The following SHPRH variants were observed in gnomAD, a reference collection of about 807,000 sequenced individuals.
SHPRH encodes the protein SNF2 histone linker PHD RING helicase, also known as E3 ubiquitin-protein ligase SHPRH.
In SHPRH, 106 loss-of-function variants were observed where a neutral mutation model predicts 202.5. The observed-to-expected ratio is 0.52, with a 90% CI of 0.45 to 0.62. SHPRH has a LOEUF of 0.62. SHPRH is among the 20% of genes least tolerant of loss of function. The probability of loss-of-function intolerance (pLI) is 0.00; values close to 1 mark genes in which losing one functional copy is unlikely to be tolerated. For missense variants in SHPRH, 1,710 were observed against 2,020.0 expected (o/e 0.85, Z 2.94); for synonymous variants, 729 against 686.0 (o/e 1.06, Z -0.98).
intron 2 of SHPRH, among the ~76,000 whole-genome samples, chr6:145,870,399 C>G (rs1487297443): frequency 6.6e-6 from 1 of 151,572 alleles, no homozygotes; most frequent in Non-Finnish European, 1.5e-5. Flanking sequence ...GTAGCTGGGA[C>G]TACAGGCACC....
chr6:145,871,012 T>C (rs1780032786), intron 2 of SHPRH: 1 of 152,224 alleles, frequency 6.6e-6, no homozygotes, highest in South Asian at 2.1e-4. Flanking sequence ...CATTCCTTCA[T>C]GTTAAAAACT....
At chr6:145,939,739 T>C (rs1037188835) in intron 11 of SHPRH, among the ~76,000 whole-genome samples, 1 of 152,152 alleles carries the variant, frequency 6.6e-6, no homozygotes, top group Admixed American at 6.6e-5. Context: ...AAATGTAACA[T>C]TTAAGTGATG....
chr6:145,891,790 T>C (rs1189820306), intron 28 of SHPRH, among the ~76,000 whole-genome samples: 2 of 152,154 alleles, frequency 1.3e-5, no homozygotes, highest in Non-Finnish European at 2.9e-5. Flanking sequence ...TTGCGAGGCA[T>C]AGTAAGATTG....
chr6:145,940,458 C>G (rs1327181136), intron 11 of SHPRH, among the ~76,000 whole-genome samples: 1 of 136,722 alleles, frequency 7.3e-6, no homozygotes, highest in African/African-American at 2.7e-5. Flanking sequence ...AGACCTATAT[C>G]TATGCTGTTT....
rs1273026164 is a variant in SHPRH, at chr6:145,885,090, C to T, written c.*1601G>A. 6.6e-6 allele frequency: 1 copy of T among 152,040 alleles called. No individual in the cohort carries two copies. Among genetic ancestry groups the T allele is most frequent in the Non-Finnish European group, 1.5e-5 (1 of 68,010 alleles). The allele number at this position is 152,040 out of a possible 1,614,324, so 9.4% of individuals were successfully genotyped here. A position where few individuals can be genotyped will look rare whatever the true frequency, so the allele number is the denominator to read the frequency against. Reference sequence around the variant, plus strand: ...GAATGTAAGATATGGAGTCAGGGGACCTGGGCTCCACTGTTTACTTGCTAC... The same window carrying T: ...GAATGTAAGATATGGAGTCAGGGGATCTGGGCTCCACTGTTTACTTGCTAC... On this transcript the variant is annotated 3_prime_UTR_variant, in exon 30 of 30. Coordinates refer to ENST00000275233, the MANE Select transcript of SHPRH (RefSeq NM_001042683.3).
chr6:145,871,974 T>A (rs1405329468), intron 2 of SHPRH, among the ~76,000 whole-genome samples: 3 of 152,202 alleles, frequency 2.0e-5, no homozygotes, highest in Non-Finnish European at 4.4e-5. Flanking sequence ...TAAATGGTGC[T>A]GGGAGAACTA....
intron 7 of SHPRH, 118 bp downstream of exon 7, chr6:145,946,115 G>C: frequency 1.6e-6 from 1 of 644,410 alleles, no homozygotes; most frequent in Non-Finnish European, 2.4e-6. Context: ...TTTATCAAAA[G>C]CATATATAAC....
At chr6:145,958,116 A>G (rs1315047613) in intron 1 of SHPRH, among the ~76,000 whole-genome samples, 1 of 152,188 alleles carries the variant, frequency 6.6e-6, no homozygotes, top group Non-Finnish European at 1.5e-5. Flanking sequence ...AATGGCAAAA[A>G]CCTGATTGCA....
rs748444778 is a variant in SHPRH, at chr6:145,948,337, G to C, written c.996C>G (p.His332Gln). The C allele has an allele frequency of 6.2e-7, 1 of 1,602,254 alleles. No individual in the cohort carries two copies. Among genetic ancestry groups the C allele is most frequent in the Non-Finnish European group, 8.5e-7 (1 of 1,174,032 alleles). ...RSSPATESAL[H>Q]FLWREIVTSE... is the part of the protein sequence containing the mutation. Reference sequence around the variant, plus strand: ...ATGTAACAATCTCTCGCCATAAGAAGTGCAGGGCACTTTCTAAAGAAAAAT... The same window carrying C: ...ATGTAACAATCTCTCGCCATAAGAACTGCAGGGCACTTTCTAAAGAAAAAT... The change falls in exon 5 of 30, where the codon CAC (histidine) becomes CAG (glutamine). Residue 332 changes from histidine (H) to glutamine (Q), a missense_variant. By Grantham distance (24) the His-to-Gln change is conservative (BLOSUM62 0). Transcript: ENST00000275233.
At chr6:145,931,308 CCT>C (rs1209495353) in intron 14 of SHPRH, among the ~76,000 whole-genome samples, 3 of 151,468 alleles carry the variant, frequency 2.0e-5, no homozygotes, top group Non-Finnish European at 4.4e-5. Context: ...TTTTTTGCAC[CCT>C]TTTTTCTTTT....
At chr6:145,918,064 A>C in intron 23 of SHPRH, 67 bp downstream of exon 23, 1 of 1,178,420 alleles carries the variant, frequency 8.5e-7, no homozygotes, top group Non-Finnish European at 1.2e-6. Context: ...TTAATTATGA[A>C]AGGAGTCACT....
chr6:145,926,931 T>C (rs932513690), intron 15 of SHPRH, among the ~76,000 whole-genome samples: 4 of 151,966 alleles, frequency 2.6e-5, no homozygotes, highest in African/African-American at 9.7e-5. Flanking sequence ...ACAAGTACTT[T>C]GAGCTATTTT....
At chr6:145,858,620 T>C in the SHPRH span, among the ~76,000 whole-genome samples, 1 of 151,988 alleles carries the variant, frequency 6.6e-6, no homozygotes, top group Non-Finnish European at 1.5e-5. Context: ...TTTGGGGTAA[T>C]GAATATGTTC....
At chr6:145,909,371 G>T (rs1375007543) in intron 25 of SHPRH, 1 of 152,060 alleles carries the variant, frequency 6.6e-6, no homozygotes, top group Non-Finnish European at 1.5e-5. Context: ...CAATATATAT[G>T]TGTGGAATGA....
chr6:145,915,381 T>C (rs1246028460), intron 23 of SHPRH, among the ~76,000 whole-genome samples: 1 of 151,872 alleles, frequency 6.6e-6, no homozygotes, highest in Non-Finnish European at 1.5e-5. Flanking sequence ...GCTTTTGTTC[T>C]TCATTCCTTA....
chr6:145,954,563 A>C, intron 2 of SHPRH, 127 bp downstream of exon 2: 1 of 968,356 alleles, frequency 1.0e-6, no homozygotes, highest in Non-Finnish European at 1.5e-6. Flanking sequence ...AAAAGCTTAA[A>C]GTGTACTTTG....
chr6:145,932,608 T>C (rs150406069), intron 14 of SHPRH, among the ~76,000 whole-genome samples: 244 of 152,298 alleles, frequency 1.6e-3, no homozygotes, highest in Non-Finnish European at 2.6e-3. Flanking sequence ...CATCGTTACC[T>C]AGATCAGATG....
downstream of SHPRH, among the ~76,000 whole-genome samples, chr6:145,859,571 T>C (rs537820696): frequency 6.6e-6 from 1 of 152,126 alleles, no homozygotes; most frequent in African/African-American, 2.4e-5. Flanking sequence ...TGAAATAAAT[T>C]TGTAATGCCA....
Position 145,888,014 on chromosome 6 carries a change from A to G in SHPRH, c.4955+6T>C. 6.2e-7 allele frequency: 1 copy of G among 1,604,470 alleles called. No homozygotes were observed. On this transcript the variant is annotated splice_donor_region_variant and intron_variant, in intron 29 of 29. Transcript: ENST00000275233. ...CCCCTTCTACTTGTGGTAAATTATTACCTACCTTCTCTCAGCAGTTTTCAG... is the reference window on the plus strand; with the variant it reads ...CCCCTTCTACTTGTGGTAAATTATTGCCTACCTTCTCTCAGCAGTTTTCAG...
Sources: allele counts gnomAD v4.1 joint callset (sites outside exome capture counted in the v4.1 genomes callset), GRCh38; gene constraint gnomAD v4.1.1; transcripts MANE v1.5; gene names NCBI Gene and HGNC (gene_info 2026-07-23, HGNC 2026-07-21).